SIRT1: variants seen among roughly 807,000 people sequenced by gnomAD.
SIRT1 encodes the protein NAD-dependent protein deacetylase sirtuin-1.
In SIRT1, 24 loss-of-function variants were observed where a neutral mutation model predicts 67.9. That is an observed-to-expected ratio of 0.35 (90% CI 0.26 to 0.50). The LOEUF (loss-of-function observed/expected upper bound fraction) is 0.50. Ranked by LOEUF, SIRT1 falls within the 20% of genes least tolerant of loss-of-function variation. The probability of loss-of-function intolerance (pLI) is 0.98; values close to 1 mark genes in which losing one functional copy is unlikely to be tolerated. For missense variants in SIRT1, 873 were observed against 937.2 expected, an observed-to-expected ratio of 0.93 and a Z score of 0.89; for synonymous variants, 378 against 350.7, an observed-to-expected ratio of 1.08 and a Z score of -0.87.
At chr10:67,899,803 G>A (rs1373361170) in intron 4 of SIRT1, among the ~76,000 whole-genome samples, 1 of 152,032 alleles carries the variant, frequency 6.6e-6, no homozygotes, top group Non-Finnish European at 1.5e-5. Context: ...AAGTAAAAGA[G>A]GCCAGGTGCG....
At chr10:67,904,461 A>G (rs1227418778) in intron 4 of SIRT1, among the ~76,000 whole-genome samples, 1 of 152,100 alleles carries the variant, frequency 6.6e-6, no homozygotes, top group Non-Finnish European at 1.5e-5. Context: ...TGAACACTAT[A>G]TTTAAATCTA....
intron 1 of SIRT1, among the ~76,000 whole-genome samples, 194 bp from the exon 2 acceptor site, chr10:67,887,223 A>G (rs970969304): frequency 6.6e-6 from 1 of 152,176 alleles, no homozygotes; most frequent in African/African-American, 2.4e-5. Context: ...TTTGGCTGAA[A>G]CTGAGTGAGC....
At chr10:67,903,088 CA>C (rs796152702) in intron 4 of SIRT1, among the ~76,000 whole-genome samples, 9 of 150,310 alleles carry the variant, frequency 6.0e-5, no homozygotes, top group Admixed American at 5.3e-4. Flanking sequence ...GCGAGACTCT[CA>C]AAAAAAAAGG....
At chr10:67,904,279 C>T (rs1842788610) in intron 4 of SIRT1, among the ~76,000 whole-genome samples, 2 of 151,776 alleles carry the variant, frequency 1.3e-5, no homozygotes, top group Admixed American at 6.6e-5. Context: ...AGGCATGAAC[C>T]GTGAGGCCCA....
chr10:67,891,662 C>T (rs1366665026), intron 4 of SIRT1, 108 bp downstream of exon 4: 6 of 1,100,104 alleles, frequency 5.5e-6, no homozygotes, highest in African/African-American at 1.6e-5. Flanking sequence ...AAAGTGAATG[C>T]TGCTACTGTG....
At chr10:67,906,576 A>C (rs955523045) in intron 4 of SIRT1, among the ~76,000 whole-genome samples, 2 of 152,128 alleles carry the variant, frequency 1.3e-5, no homozygotes, top group Admixed American at 6.6e-5. Context: ...CTTTTTCTTC[A>C]AGGGGCCAAG....
intron 4 of SIRT1, among the ~76,000 whole-genome samples, chr10:67,898,277 AAG>A (rs935602925): frequency 6.6e-6 from 1 of 151,294 alleles, no homozygotes; most frequent in African/African-American, 2.4e-5. Flanking sequence ...AAAAAAAGAA[AAG>A]AAAAAAAAAG....
rs773494159 is a variant in SIRT1 at position 67,887,430 on chromosome 10, C to G, written c.444C>G (p.Phe148Leu). ...AAIGYRDNLL[F>L]GDEIITNGFH... ...TTTCTTTTGCAGATAACCTTCTGTT[C>G]GGTGATGAAATTATCACTAATGGTT... is the stretch of plus-strand genomic sequence containing the variant. Residue 148 changes from phenylalanine to leucine, a missense_variant, in exon 2 of 9, where the codon TTC becomes TTG. This residue lies in a region of SIRT1 where 327 missense variants were observed against 283.9 expected (regional missense o/e 1.15). Coordinates refer to ENST00000212015, the MANE Select transcript of SIRT1 (RefSeq NM_012238.5). 1.9e-6 allele frequency: 3 copies of G among 1,611,826 alleles called. No individual in the cohort carries two copies. Among genetic ancestry groups the G allele is most frequent in the Admixed American group, 1.7e-5 (1 of 59,908 alleles).
chr10:67,903,775 G>A (rs1842779205), intron 4 of SIRT1, among the ~76,000 whole-genome samples: 1 of 152,184 alleles, frequency 6.6e-6, no homozygotes, highest in Non-Finnish European at 1.5e-5. Flanking sequence ...TCCAGACACA[G>A]CTATGTGAAA....
intron 4 of SIRT1, among the ~76,000 whole-genome samples, chr10:67,894,636 TTTA>T (rs1252155064): frequency 2.0e-5 from 3 of 152,218 alleles, no homozygotes; most frequent in African/African-American, 7.2e-5. Context: ...GAATACATTT[TTTA>T]TTGTTAAACT....
Position 67,906,911 on chromosome 10 carries a change from G to A in SIRT1, c.1064G>A (p.Gly355Glu), listed in dbSNP as rs757804740. 9 of 1,607,386 alleles carry A rather than the reference G, an allele frequency of 5.6e-6. No individual in the cohort carries two copies. Among genetic ancestry groups the A allele is most frequent in the Non-Finnish European group, 7.6e-6 (9 of 1,177,734 alleles). Residue 355 changes from glycine to glutamate, a missense_variant, in exon 5 of 9, where the codon GGA (glycine) becomes GAA (glutamate). Around this residue, in one of 3 missense-constraint regions of SIRT1, gnomAD observed 251 missense variants for 358.8 expected, o/e 0.70. Transcript: ENST00000212015. ...ATAGACACGCTGGAACAGGTTGCGG[G>A]AATCCAAAGGATAATTCAGTGTCAT... Reference protein sequence around the residue: ...QNIDTLEQVAGIQRIIQCHGS... With the variant: ...QNIDTLEQVAEIQRIIQCHGS...
rs149262447 is a variant in SIRT1 at position 67,887,855 on chromosome 10, C to A, written c.547+322C>A. ...CCTCCCAAAGTGCTGGGATTACAGG[C>A]ATGTGCCACCTTGCCCCACCTCACT... On this transcript the variant is annotated intron_variant, in intron 2 of 8. Coordinates refer to ENST00000212015, the MANE Select transcript of SIRT1 (RefSeq NM_012238.5). Among the ~76,000 whole-genome samples the A allele has an allele frequency of 4.1e-3, 623 of 152,372 alleles. 2 individuals are homozygous for A. The highest frequency in any genetic ancestry group is 6.9e-3 in the Non-Finnish European group (469 of 68,042).
chr10:67,889,305 C>T (rs1407020218), intron 3 of SIRT1, among the ~76,000 whole-genome samples, 182 bp downstream of exon 3: 1 of 152,120 alleles, frequency 6.6e-6, no homozygotes, highest in Non-Finnish European at 1.5e-5. Context: ...CCTCTCCAGC[C>T]TTAAAAAAAT....
intron 2 of SIRT1, among the ~76,000 whole-genome samples, chr10:67,888,120 C>T (rs1842515059): frequency 6.6e-6 from 1 of 152,102 alleles, no homozygotes; most frequent in South Asian, 2.1e-4. Flanking sequence ...ATAGTTTGTG[C>T]TCAATAAATA....
Position 67,912,676 on chromosome 10 carries a change from A to G in SIRT1, c.1560A>G (p.Glu520=), listed in dbSNP as rs1842917754. ...ITEKPPRTQK[E]LAYLSELPPT... is the part of the protein sequence containing the mutation. ...AAAAACCTCCACGAACACAAAAAGA[A>G]TTGGCTTATTTGTCAGAGTTGCCAC... The change falls in exon 8 of 9, where the codon GAA becomes GAG. Residue 520 remains glutamate, a synonymous_variant. Transcript: ENST00000212015. The G allele has an allele frequency of 1.9e-6, 3 of 1,614,144 alleles. No individual in the cohort carries two copies. Among genetic ancestry groups the G allele is most frequent in the East Asian group, 4.5e-5 (2 of 44,876 alleles).
intron 4 of SIRT1, among the ~76,000 whole-genome samples, chr10:67,905,393 AAG>A (rs1842806361): frequency 6.6e-6 from 1 of 152,228 alleles, no homozygotes; most frequent in Non-Finnish European, 1.5e-5. Context: ...TTAAATTGCA[AAG>A]AGTTATTCAT....
chr10:67,906,492 T>C (rs1482485332), intron 4 of SIRT1, among the ~76,000 whole-genome samples: 1 of 152,144 alleles, frequency 6.6e-6, no homozygotes, highest in African/African-American at 2.4e-5. Flanking sequence ...AAATTAGATA[T>C]CCTAAGGTTG....
At position 67,885,090 on chromosome 10, in the gene SIRT1, AGACGAC is replaced by A. The variant is rs751108703; in HGVS notation, c.378_383del (p.Asp126_Asp127del). On this transcript the variant is annotated inframe_deletion, in exon 1 of 9. Transcript: ENST00000212015. The stretch of plus-strand genomic sequence containing the variant: ...CGCTGGCCGACAACTTGTACGACGA[AGACGAC>A]GACGACGAGGGCGAGGAGGAGGAAG... 55 of 1,447,202 alleles carry A rather than the reference AGACGAC, an allele frequency of 3.8e-5. No homozygotes were observed. The African/African-American group carries it at 4.2e-4, about 11-fold the overall frequency. 89.6% of individuals were successfully genotyped at this position (1,447,202 alleles called of 1,614,324 possible).
chr10:67,904,438 A>G (rs1252708928), intron 4 of SIRT1, among the ~76,000 whole-genome samples: 1 of 151,838 alleles, frequency 6.6e-6, no homozygotes, highest in Non-Finnish European at 1.5e-5. Context: ...CACCTGTACT[A>G]CTACTTTTAG....
Sources: allele counts gnomAD v4.1 joint callset (sites outside exome capture counted in the v4.1 genomes callset), GRCh38; gene constraint gnomAD v4.1.1; regional missense constraint gnomAD v4.1.1; transcripts MANE v1.5; gene names NCBI Gene and HGNC (gene_info 2026-07-23, HGNC 2026-07-21).